The following ROPN1 variants were observed in gnomAD, a reference collection of about 807,000 sequenced individuals.
ROPN1 encodes rhophilin associated tail protein 1.
ROPN1 carries 14 observed loss-of-function variants against 20.5 expected under a neutral mutation model. The ratio of observed to expected loss-of-function variants is 0.68; its 90% CI spans 0.45 to 1.07. The LOEUF (loss-of-function observed/expected upper bound fraction) is 1.07, where lower values mean the gene tolerates loss of function less well. Ranked by LOEUF, ROPN1 falls within the 50% of genes least tolerant of loss-of-function variation. The pLI is 0.00. For synonymous variants in ROPN1, 76 were observed against 95.7 expected (o/e 0.79, Z 1.20); for missense variants, 169 against 242.8 (o/e 0.70, Z 2.02).
At chr3:123,973,679 C>T (rs1451098496) in intron 4 of ROPN1, among the ~76,000 whole-genome samples, 1 of 152,138 alleles carries the variant, frequency 6.6e-6, no homozygotes, top group African/African-American at 2.4e-5. Flanking sequence ...AAGGGAAGAA[C>T]TCAGACACAC....
At chr3:123,985,296 C>T (rs773757528) in intron 1 of ROPN1, among the ~76,000 whole-genome samples, 6 of 152,146 alleles carry the variant, frequency 3.9e-5, no homozygotes, top group African/African-American at 7.2e-5. Context: ...AATCCCTGTA[C>T]GTTGGATTAT....
chr3:123,979,266 T>G (rs2038086114), intron 2 of ROPN1: 1 of 352,662 alleles, frequency 2.8e-6, no homozygotes, highest in Non-Finnish European at 5.6e-6. Context: ...TAGATGCCAT[T>G]TTGTGTCTTC....
intron 4 of ROPN1, among the ~76,000 whole-genome samples, chr3:123,972,457 C>A (rs1407645242): frequency 4.6e-5 from 7 of 152,184 alleles, no homozygotes; most frequent in Non-Finnish European, 8.8e-5. Context: ...CGTTTGCTAA[C>A]AAATATGTCA....
At chr3:123,988,033 C>A (rs1017552681) in intron 1 of ROPN1, among the ~76,000 whole-genome samples, 6 of 152,158 alleles carry the variant, frequency 3.9e-5, no homozygotes, top group Non-Finnish European at 8.8e-5. Flanking sequence ...GATTTGGGGA[C>A]CTGGTGTACA....
rs759809350 is a variant in ROPN1, at chr3:123,980,523, A to G, written c.-12-30T>C. The stretch of plus-strand genomic sequence containing the variant: ...TCTCAGGAGAAAAAAATACGTTAAG[A>G]TGAAAACTTCGATTCATACGATGAG... On this transcript the variant is annotated intron_variant, in intron 1 of 5. Transcript: ENST00000405845. 3.1e-6 allele frequency: 5 copies of G among 1,602,906 alleles called. No individual in the cohort carries two copies. The African/African-American group carries it at 4.0e-5, about 13-fold the overall frequency.
intron 4 of ROPN1, among the ~76,000 whole-genome samples, chr3:123,972,270 G>A (rs2037932522): frequency 2.0e-5 from 3 of 152,194 alleles, no homozygotes; most frequent in South Asian, 4.1e-4. Context: ...ATAAATGGAT[G>A]AGTGTATAAA....
At chr3:123,970,489 T>G (rs2037894288) in intron 4 of ROPN1, among the ~76,000 whole-genome samples, 1 of 152,206 alleles carries the variant, frequency 6.6e-6, no homozygotes, top group Non-Finnish European at 1.5e-5. Context: ...TTTAAGATAT[T>G]TGTTACTTTA....
intron 1 of ROPN1, among the ~76,000 whole-genome samples, chr3:123,989,064 C>T (rs755674643): frequency 6.6e-5 from 10 of 152,018 alleles, no homozygotes; most frequent in Non-Finnish European, 1.3e-4. Context: ...TACTGCAAGC[C>T]CTCAGAAGAC....
intron 4 of ROPN1, among the ~76,000 whole-genome samples, chr3:123,971,599 G>A (rs987328220): frequency 2.6e-5 from 4 of 152,132 alleles, no homozygotes; most frequent in Admixed American, 2.6e-4. Flanking sequence ...GGCAGGCATG[G>A]GGCCAACTAG....
At chr3:123,979,111 C>T (rs2038082667) in intron 2 of ROPN1, 1 of 188,256 alleles carries the variant, frequency 5.3e-6, no homozygotes. Flanking sequence ...GAGAACTAAA[C>T]AGGGCTCATT....
chr3:123,986,847 C>CA (rs2038271682), intron 1 of ROPN1, among the ~76,000 whole-genome samples: 1 of 152,248 alleles, frequency 6.6e-6, no homozygotes, highest in African/African-American at 2.4e-5. Flanking sequence ...ACTGATCAGG[C>CA]ATGGTCCACC....
At chr3:123,982,383 T>C (rs538596493) in intron 1 of ROPN1, among the ~76,000 whole-genome samples, 3 of 152,206 alleles carry the variant, frequency 2.0e-5, no homozygotes, top group Admixed American at 6.5e-5. Flanking sequence ...AATATTATAA[T>C]AAAGAGTAAG....
intron 1 of ROPN1, among the ~76,000 whole-genome samples, chr3:123,983,443 A>G (rs2038189644): frequency 6.6e-6 from 1 of 152,220 alleles, no homozygotes; most frequent in Non-Finnish European, 1.5e-5. Context: ...AGTCTCAGAT[A>G]ATCTCGTGTA....
intron 1 of ROPN1, 44 bp downstream of exon 1, chr3:123,991,878 G>T (rs1200225847): frequency 1.3e-5 from 2 of 148,476 alleles, no homozygotes; most frequent in Admixed American, 6.7e-5. Flanking sequence ...CCCTCGGGGC[G>T]CTCAGAGCCC....
intron 4 of ROPN1, among the ~76,000 whole-genome samples, chr3:123,973,312 C>G (rs935991990): frequency 1.4e-4 from 21 of 152,246 alleles, no homozygotes; most frequent in African/African-American, 5.1e-4. Flanking sequence ...GACTTTATCT[C>G]TAGGGGTTCT....
chr3:123,981,914 A>G (rs1012985929), intron 1 of ROPN1, among the ~76,000 whole-genome samples: 3 of 152,230 alleles, frequency 2.0e-5, no homozygotes, highest in African/African-American at 7.2e-5. Context: ...AAGCAAACAA[A>G]CAAAACCCTT....
intron 2 of ROPN1, chr3:123,979,269 G>A (rs2038086179): frequency 5.7e-6 from 2 of 352,922 alleles, no homozygotes; most frequent in East Asian, 1.5e-4. Flanking sequence ...ATGCCATTTT[G>A]TGTCTTCTCA....
At chr3:123,977,966 T>G (rs1406843795) in intron 2 of ROPN1, among the ~76,000 whole-genome samples, 1 of 152,202 alleles carries the variant, frequency 6.6e-6, no homozygotes, top group Non-Finnish European at 1.5e-5. Context: ...ATCAAAAGCC[T>G]GGTTATTGAC....
chr3:123,970,798 C>A (rs2037900396), intron 4 of ROPN1, among the ~76,000 whole-genome samples: 1 of 152,198 alleles, frequency 6.6e-6, no homozygotes, highest in South Asian at 2.1e-4. Flanking sequence ...TGCTTTATTT[C>A]ATACTACATA....
Sources: gnomAD v4.1 joint callset for allele counts (sites outside exome capture counted in the v4.1 genomes callset) on GRCh38, gnomAD v4.1.1 for gene constraint, MANE v1.5 for transcripts, NCBI Gene and HGNC (gene_info 2026-07-23, HGNC 2026-07-21) for gene names.